Variants in AOC1 observed in about 807,000 individuals in gnomAD.
The protein encoded by AOC1 is diamine oxidase [copper-containing].
Under a neutral mutation model 57.1 loss-of-function variants are expected in AOC1, and 58 were observed. That is an observed-to-expected ratio of 1.02 (90% CI 0.82 to 1.26). The LOEUF (loss-of-function observed/expected upper bound fraction) is 1.26, where lower values mean the gene tolerates loss of function less well. AOC1 is among the 50% of genes most tolerant of loss of function. The pLI is 0.00. For synonymous variants in AOC1, 401 were observed against 423.4 expected (o/e 0.95, Z 0.65); for missense variants, 917 against 1,005.3 (o/e 0.91, Z 1.19).
rs1478403642 is a variant in AOC1, at chr7:150,852,768, T to C, written c.-17+210T>C. On this transcript the variant is annotated intron_variant, in intron 1 of 4. Transcript: ENST00000360937. The surrounding 1 kb of genome is among the most constrained non-coding windows in gnomAD (Gnocchi z 4.6). ...CCGGCCAGGGTGGAGTGGGGAAAGCTCAGAGAGGAGGGTGAGCAGGGAGAG... is the reference window on the plus strand; with the variant it reads ...CCGGCCAGGGTGGAGTGGGGAAAGCCCAGAGAGGAGGGTGAGCAGGGAGAG... Among the ~76,000 whole-genome samples, 1 of 151,958 alleles carries C rather than the reference T, an allele frequency of 6.6e-6. No individual in the cohort carries two copies. The highest frequency in any genetic ancestry group is 1.5e-5 in the Non-Finnish European group (1 of 68,006).
chr7:150,861,298 T>G lies in AOC1; in HGVS notation c.*89T>G. On this transcript the variant is annotated 3_prime_UTR_variant, in exon 5 of 5. Coordinates refer to ENST00000360937, the MANE Select transcript of AOC1 (RefSeq NM_001091.4). This position sits in a 1 kb window ranked among gnomAD's most constrained non-coding sequence, Gnocchi z 4.5. Reference sequence around the variant, plus strand: ...TAAACCCTCAGAGCCTCGCTCTGTGTGCTGCTTCTTGCGGGGAGGCACAGG... The same window carrying G: ...TAAACCCTCAGAGCCTCGCTCTGTGGGCTGCTTCTTGCGGGGAGGCACAGG... 1.4e-6 allele frequency: 2 copies of G among 1,404,390 alleles called. No individual in the cohort carries two copies. Among genetic ancestry groups the G allele is most frequent in the Non-Finnish European group, 1.9e-6 (2 of 1,052,296 alleles). 87.0% of individuals were successfully genotyped at this position (1,404,390 alleles called of 1,614,324 possible). A position where few individuals can be genotyped will look rare whatever the true frequency, so the allele number is the denominator to read the frequency against.
rs1799830233 is a variant in AOC1, at chr7:150,857,651, C to T, written c.1181C>T (p.Thr394Ile). The part of the protein sequence containing the change: ...ELAPGIDCPE[T>I]ATFLDTFHYY... ...GCCCCCGGCATCGACTGCCCGGAGA[C>T]CGCCACCTTCCTGGACACTTTCCAC... Residue 394 changes from threonine to isoleucine, a missense_variant, in exon 2 of 5, where the codon ACC becomes ATC. Transcript: ENST00000360937. This position sits in a 1 kb window ranked among gnomAD's most constrained non-coding sequence, Gnocchi z 6.6. 3.1e-6 allele frequency: 5 copies of T among 1,614,014 alleles called. No homozygotes were observed. The South Asian group carries it at 3.3e-5, about 11-fold the overall frequency.
rs1236407343 is a variant in AOC1, at chr7:150,859,107, T to C, written c.1856+59T>C. ...AGTGGCTTCCCTCAGTGTGTGTGTC[T>C]GTGTCTGTCTGTGTTTGTGTCTATG... is the stretch of plus-strand genomic sequence containing the variant. On this transcript the variant is annotated intron_variant, in intron 3 of 4. Coordinates refer to ENST00000360937, the MANE Select transcript of AOC1 (RefSeq NM_001091.4). 3 of 1,450,898 alleles carry C rather than the reference T, an allele frequency of 2.1e-6. No individual in the cohort carries two copies. The East Asian group carries it at 7.2e-5, about 35-fold the overall frequency. The allele number at this position is 1,450,898 out of a possible 1,614,324, so 89.9% of individuals were successfully genotyped here.
chr7:150,861,220 G>A lies in AOC1; in HGVS notation c.*11G>A. Reference sequence around the variant, plus strand: ...TATAGACCTGTGTGACCAGCCCCCAGTTCCTCCCCCAGTTCCTCCCAGGAA... The same window carrying A: ...TATAGACCTGTGTGACCAGCCCCCAATTCCTCCCCCAGTTCCTCCCAGGAA... On this transcript the variant is annotated 3_prime_UTR_variant, in exon 5 of 5. Transcript: ENST00000360937. The surrounding 1 kb of genome is among the most constrained non-coding windows in gnomAD (Gnocchi z 4.5). The A allele has an allele frequency of 6.4e-7, 1 of 1,557,660 alleles. No individual in the cohort carries two copies. The highest frequency in any genetic ancestry group is 8.7e-7 in the Non-Finnish European group (1 of 1,144,734).
At chr7:150,853,866 C>G (rs1248629023) in intron 1 of AOC1, 5 of 151,630 alleles carry the variant, frequency 3.3e-5, no homozygotes, top group Non-Finnish European at 7.4e-5. Flanking sequence ...CTACTAAAAA[C>G]AAAAAATTAG....
At chr7:150,855,591 A>T (rs117914960) in intron 1 of AOC1, among the ~76,000 whole-genome samples, 1 of 152,270 alleles carries the variant, frequency 6.6e-6, no homozygotes, top group East Asian at 1.9e-4. Flanking sequence ...CCTTGGGTGG[A>T]CAAGAGAGGT....
Position 150,857,039 on chromosome 7 carries a change from G to A in AOC1, c.569G>A (p.Arg190Gln), listed in dbSNP as rs781356328. The change falls in exon 2 of 5, where the codon CGG becomes CAG. Residue 190 changes from arginine to glutamine, a missense_variant. Physicochemically the swap from Arg to Gln is conservative, Grantham distance 43 (BLOSUM62 1). Coordinates refer to ENST00000360937, the MANE Select transcript of AOC1 (RefSeq NM_001091.4). This position sits in a 1 kb window ranked among gnomAD's most constrained non-coding sequence, Gnocchi z 6.6. The part of the protein sequence containing the change: ...RCLAFTDVAP[R>Q]GVASGQRRSW... ...CTGGCCTTCACCGATGTGGCCCCCC[G>A]GGGTGTGGCTTCTGGCCAGCGCCGC... is the stretch of plus-strand genomic sequence containing the variant. 3.7e-5 allele frequency: 60 copies of A among 1,613,998 alleles called. No individual in the cohort carries two copies. The highest frequency in any genetic ancestry group is 1.6e-4 in the Middle Eastern group (1 of 6,084).
At chr7:150,854,179 G>A (rs527572659) in intron 1 of AOC1, 6 of 152,214 alleles carry the variant, frequency 3.9e-5, no homozygotes, top group Admixed American at 1.3e-4. Flanking sequence ...CAGGGCCTCC[G>A]AGAGCCCAAG....
At chr7:150,860,399 C>T (rs764784288) in intron 3 of AOC1, 102 bp from the exon 4 acceptor site, 1 of 1,570,072 alleles carries the variant, frequency 6.4e-7, no homozygotes, top group Non-Finnish European at 8.7e-7. Context: ...TTGGGGAAGG[C>T]AATCATCTTC....
At position 150,852,644 on chromosome 7, in the gene AOC1, G is replaced by C. The variant is rs962023049; in HGVS notation, c.-17+86G>C. Reference sequence around the variant, plus strand: ...AGTGGAAGGAGGGCACAGAGTGAGGGGCAGAAGAAACAGGACACAGAGGGA... The same window carrying C: ...AGTGGAAGGAGGGCACAGAGTGAGGCGCAGAAGAAACAGGACACAGAGGGA... On this transcript the variant is annotated intron_variant, in intron 1 of 4. Transcript: ENST00000360937. The surrounding 1 kb of genome is among the most constrained non-coding windows in gnomAD (Gnocchi z 4.6). 6.5e-6 allele frequency: 1 copy of C among 153,624 alleles called. No homozygotes were observed. The highest frequency in any genetic ancestry group is 2.4e-5 in the African/African-American group (1 of 41,482). 9.5% of individuals were successfully genotyped at this position (153,624 alleles called of 1,614,324 possible).
rs375856623 is a variant in AOC1, at chr7:150,857,130, C to T, written c.660C>T (p.Leu220=). The change falls in exon 2 of 5, where the codon CTC becomes CTT. Residue 220 remains leucine, a synonymous_variant. Coordinates refer to ENST00000360937, the MANE Select transcript of AOC1 (RefSeq NM_001091.4). The surrounding 1 kb of genome is among the most constrained non-coding windows in gnomAD (Gnocchi z 6.6). The stretch of plus-strand genomic sequence containing the variant: ...TGCACCCCACTGGGCTGGAGCTCCT[C>T]GTGGATCATGGGAGCACAGATGCTG... The part of the protein sequence containing the change: ...YFLHPTGLEL[L]VDHGSTDAGH... 23 of 1,613,840 alleles carry T rather than the reference C, an allele frequency of 1.4e-5. No homozygotes were observed. In the African/African-American group the frequency reaches 2.5e-4, roughly 18 times the overall value.
intron 1 of AOC1, among the ~76,000 whole-genome samples, chr7:150,853,320 T>C (rs1235569680): frequency 6.6e-6 from 1 of 152,086 alleles, no homozygotes; most frequent in Non-Finnish European, 1.5e-5. Flanking sequence ...CTGGTGTGGA[T>C]ATTGATAGTG....
At position 150,857,075 on chromosome 7, in the gene AOC1, T is replaced by A. The variant is rs967072617; in HGVS notation, c.605T>A (p.Ile202Asn). 1.9e-6 allele frequency: 3 copies of A among 1,613,986 alleles called. No individual in the cohort carries two copies. The East Asian group carries it at 6.7e-5, about 36-fold the overall frequency. Residue 202 changes from isoleucine to asparagine, a missense_variant, in exon 2 of 5, where the codon ATC (isoleucine) becomes AAC (asparagine). Transcript: ENST00000360937. This position sits in a 1 kb window ranked among gnomAD's most constrained non-coding sequence, Gnocchi z 6.6. The stretch of plus-strand genomic sequence containing the variant: ...TCTGGCCAGCGCCGCAGTTGGCTTA[T>A]CATACAGCGCTATGTAGAAGGCTAC... Reference protein sequence around the residue: ...VASGQRRSWLIIQRYVEGYFL... With the variant: ...VASGQRRSWLNIQRYVEGYFL...
rs777262841 is a variant in AOC1, at chr7:150,857,957, G to A, written c.1487G>A (p.Arg496His). 1.2e-5 allele frequency: 19 copies of A among 1,604,030 alleles called. 1 individual carries two copies. Among genetic ancestry groups the A allele is most frequent in the African/African-American group, 5.3e-5 (4 of 74,834 alleles). The change falls in exon 2 of 5, where the codon CGC becomes CAC. Residue 496 changes from arginine (R) to histidine (H), a missense_variant. Physicochemically the swap from Arg to His is conservative, Grantham distance 29. Transcript: ENST00000360937. This position sits in a 1 kb window ranked among gnomAD's most constrained non-coding sequence, Gnocchi z 6.6. ...ACCTTCTACACCCCCGAGGGGCTGCGCCACGGCACTCGCCTGCACACCCAC... is the reference window on the plus strand; with the variant it reads ...ACCTTCTACACCCCCGAGGGGCTGCACCACGGCACTCGCCTGCACACCCAC... ...HATFYTPEGL[R>H]HGTRLHTHLI... is the part of the protein sequence containing the mutation.
Position 150,857,713 on chromosome 7 carries a change from GC to G in AOC1, c.1246del (p.Leu416SerfsTer30), listed in dbSNP as rs1361677775. 1 of 1,614,004 alleles carries G rather than the reference GC, an allele frequency of 6.2e-7. No individual in the cohort carries two copies. Among genetic ancestry groups the G allele is most frequent in the African/African-American group, 1.3e-5 (1 of 74,914 alleles). ...DADDPVHYPRALCLFEMPTGV... is the reference protein window; with the variant it reads ...DADDPVHYPRXLCLFEMPTGV... ...CGATGACCCGGTCCATTATCCCCGA[GC>G]CCTCTGCCTCTTTGAAATGCCCACA... On this transcript the variant is annotated frameshift_variant, in exon 2 of 5. Transcript: ENST00000360937. LOFTEE classifies it high-confidence loss of function. This position sits in a 1 kb window ranked among gnomAD's most constrained non-coding sequence, Gnocchi z 6.6.
chr7:150,860,716 G>T, intron 4 of AOC1, 83 bp downstream of exon 4: 1 of 1,516,912 alleles, frequency 6.6e-7, no homozygotes, highest in African/African-American at 1.4e-5. Context: ...CACCATCAGG[G>T]AGTCCCAACC....
Position 150,857,135 on chromosome 7 carries a change from A to G in AOC1, c.665A>G (p.Asp222Gly). ...LHPTGLELLV[D>G]HGSTDAGHWA... ...CCCACTGGGCTGGAGCTCCTCGTGG[A>G]TCATGGGAGCACAGATGCTGGGCAC... The change falls in exon 2 of 5, where the codon GAT (aspartate) becomes GGT (glycine). Residue 222 changes from aspartate to glycine, a missense_variant. Physicochemically the swap from Asp to Gly is moderately conservative, Grantham distance 94 (BLOSUM62 -1). Transcript: ENST00000360937. This position sits in a 1 kb window ranked among gnomAD's most constrained non-coding sequence, Gnocchi z 6.6. 1 of 1,613,940 alleles carries G rather than the reference A, an allele frequency of 6.2e-7. No individual in the cohort carries two copies. The highest frequency in any genetic ancestry group is 8.5e-7 in the Non-Finnish European group (1 of 1,179,978).
In AOC1 at chr7:150,861,053, C is replaced by A. The variant is rs1464005799; in HGVS notation, c.2100C>A (p.Asn700Lys). The change falls in exon 5 of 5, where the codon AAC becomes AAA. Residue 700 changes from asparagine to lysine, a missense_variant. Asn to Lys is a moderately conservative substitution (Grantham distance 94). Transcript: ENST00000360937. The surrounding 1 kb of genome is among the most constrained non-coding windows in gnomAD (Gnocchi z 4.5). ...NSVGFLLRPF[N>K]FFPEDPSLAS... ...TGGGCTTCCTGCTCCGGCCATTCAA[C>A]TTCTTCCCAGAGGACCCCTCCCTGG... 37 of 1,614,042 alleles carry A rather than the reference C, an allele frequency of 2.3e-5. No individual in the cohort carries two copies. Among genetic ancestry groups the A allele is most frequent in the Non-Finnish European group, 3.0e-5 (35 of 1,180,000 alleles).
chr7:150,857,892 G>A lies in AOC1; in HGVS notation c.1422G>A (p.Val474=), dbSNP rs1799840813. 6.2e-7 allele frequency: 1 copy of A among 1,613,630 alleles called. No individual in the cohort carries two copies. The highest frequency in any genetic ancestry group is 8.5e-7 in the Non-Finnish European group (1 of 1,179,730). The part of the protein sequence containing the change: ...IWDFIFYPNG[V]MEAKMHATGY... The stretch of plus-strand genomic sequence containing the variant: ...ACTTTATCTTCTACCCCAACGGGGT[G>A]ATGGAGGCCAAGATGCATGCCACTG... Residue 474 remains valine (V), a synonymous_variant, in exon 2 of 5, where the codon GTG becomes GTA. Transcript: ENST00000360937. The surrounding 1 kb of genome is among the most constrained non-coding windows in gnomAD (Gnocchi z 6.6).
Sources: gnomAD v4.1 joint callset for allele counts (sites outside exome capture counted in the v4.1 genomes callset) on GRCh38, gnomAD v4.1.1 for gene constraint, Gnocchi (gnomAD v3.1) non-coding constraint, MANE v1.5 for transcripts, NCBI Gene and HGNC (gene_info 2026-07-23, HGNC 2026-07-21) for gene names.